The following C2orf78 variants were observed in gnomAD, a reference collection of about 807,000 sequenced individuals.
The protein encoded by C2orf78 is chromosome 2 open reading frame 78.
Under a neutral mutation model 21.4 loss-of-function variants are expected in C2orf78, and 12 were observed. The observed-to-expected ratio is 0.56, with a 90% CI of 0.36 to 0.91. The LOEUF is 0.91. Among genes scored for constraint, C2orf78 ranks in the 40% least tolerant of loss-of-function variants. The pLI is 0.01. For missense variants in C2orf78, 1,042 were observed against 1,092.4 expected, an observed-to-expected ratio of 0.95 and a Z score of 0.65; for synonymous variants, 396 against 413.9, an observed-to-expected ratio of 0.96 and a Z score of 0.52.
chr2:73,815,875 G>A (rs755152993), exon 3 of C2orf78: 1 of 1,613,592 alleles, frequency 6.2e-7, no homozygotes, highest in East Asian at 2.2e-5. Context: ...AAGCATTCTA[G>A]CAACAAACCT....
chr2:73,810,604 TA>T (rs1673063136), intron 1 of C2orf78, among the ~76,000 whole-genome samples: 3 of 138,170 alleles, frequency 2.2e-5, no homozygotes, highest in African/African-American at 5.3e-5. Context: ...ACATAAAATA[TA>T]TATATTTTAT....
At chr2:73,812,198 A>ATT in intron 1 of C2orf78, among the ~76,000 whole-genome samples, 2 of 152,214 alleles carry the variant, frequency 1.3e-5, no homozygotes. Context: ...TTCACTAAGA[A>ATT]AGAGTAGATA....
chr2:73,810,779 A>T (rs1401562679), intron 1 of C2orf78, among the ~76,000 whole-genome samples: 2 of 122,178 alleles, frequency 1.6e-5, no homozygotes, highest in Non-Finnish European at 3.3e-5. Flanking sequence ...TATATAAAAT[A>T]TACATGTATA....
exon 3 of C2orf78, chr2:73,815,951 C>T: frequency 6.2e-7 from 1 of 1,613,750 alleles, no homozygotes. Flanking sequence ...CCAAAGGGAA[C>T]AGAAAGAACA....
At chr2:73,814,350 T>A in intron 2 of C2orf78, 124 bp downstream of exon 2, 6 of 1,091,780 alleles carry the variant, frequency 5.5e-6, no homozygotes, top group Non-Finnish European at 7.8e-6. Context: ...ACCACTATTC[T>A]TTGGCAGTGC....
At chr2:73,809,288 G>A (rs1673023116) in intron 1 of C2orf78, among the ~76,000 whole-genome samples, 1 of 152,134 alleles carries the variant, frequency 6.6e-6, no homozygotes, top group Non-Finnish European at 1.5e-5. Flanking sequence ...ATTCTGAGAT[G>A]TTTCATGTGT....
chr2:73,786,097 A>G (rs1201572107), intron 1 of C2orf78, among the ~76,000 whole-genome samples: 1 of 151,974 alleles, frequency 6.6e-6, no homozygotes, highest in Non-Finnish European at 1.5e-5. Context: ...TGAGGCTTCC[A>G]GGCAGGGTGC....
At chr2:73,816,422 T>C (rs762917075) in exon 3 of C2orf78, 1 of 1,613,940 alleles carries the variant, frequency 6.2e-7, no homozygotes. Context: ...AAGCTCGACA[T>C]GTTTCTCGGC....
exon 3 of C2orf78, chr2:73,815,426 C>T (rs1302193279): frequency 6.2e-7 from 1 of 1,613,962 alleles, no homozygotes; most frequent in East Asian, 2.2e-5. Flanking sequence ...TTCTGGCCTG[C>T]ATTGATCCTC....
At chr2:73,809,253 A>C (rs1673022623) in intron 1 of C2orf78, among the ~76,000 whole-genome samples, 1 of 152,204 alleles carries the variant, frequency 6.6e-6, no homozygotes, top group African/African-American at 2.4e-5. Context: ...GAAAAAACCA[A>C]AGTGGTCTAG....
intron 1 of C2orf78, 113 bp from the exon 2 acceptor site, chr2:73,813,364 A>G (rs993979903): frequency 1.8e-6 from 2 of 1,087,042 alleles, no homozygotes; most frequent in African/African-American, 3.2e-5. Flanking sequence ...CTCAGTGAGT[A>G]TTGGTATTAG....
intron 2 of C2orf78, among the ~76,000 whole-genome samples, chr2:73,814,682 T>C (rs1413925270): frequency 1.3e-5 from 2 of 152,206 alleles, no homozygotes; most frequent in African/African-American, 4.8e-5. Flanking sequence ...CTTGCTTATA[T>C]ATTTCATGAG....
rs6758624 is a variant in C2orf78, at chr2:73,786,257, G to T, written c.97+1851G>T. On this transcript the variant is annotated intron_variant, in intron 1 of 2. Transcript: ENST00000409561. ...TAGCTGGGTGTGGTGGCGTGCACCT[G>T]TAATCCTCCTACTTGGGAGGCTCAG... Among the ~76,000 whole-genome samples the T allele has an allele frequency of 5.7e-3, 859 of 151,554 alleles. 13 individuals are homozygous for T. The highest frequency in any genetic ancestry group is 0.019 in the African/African-American group (796 of 41,192).
exon 3 of C2orf78, chr2:73,815,770 C>G: frequency 6.2e-7 from 1 of 1,613,670 alleles, no homozygotes; most frequent in Non-Finnish European, 8.5e-7. Flanking sequence ...GCTCCCAAGG[C>G]CAAAATCCAG....
At chr2:73,810,587 TATATATACATAAA>T (rs1673062233) in intron 1 of C2orf78, among the ~76,000 whole-genome samples, 1 of 140,314 alleles carries the variant, frequency 7.1e-6, no homozygotes, top group African/African-American at 2.6e-5. Context: ...ATGTATATTA[TATATATACATAAA>T]ATATATATAT....
Position 73,815,397 on chromosome 2 carries a change from A to G in C2orf78, c.1174A>G (p.Ile392Val), listed in dbSNP as rs190689214. The G allele has an allele frequency of 8.1e-6, 13 of 1,613,952 alleles. No individual in the cohort carries two copies. The East Asian group carries it at 2.7e-4, about 33-fold the overall frequency. ...AGATCCTCCACTACTTCCTGTAGAA[A>G]TCCCCGATATTCACCCGCTTCTGGC... The change falls in exon 3 of 3, where the codon ATC becomes GTC. Residue 392 changes from isoleucine (I) to valine (V), a missense_variant. Transcript: ENST00000409561.
chr2:73,813,378 C>T lies in C2orf78; in HGVS notation c.98-99C>T. ...TCTCAGTGAGTATTGGTATTAGAGG[C>T]TTCCTGATTGCAACAACCTTAAGAT... On this transcript the variant is annotated intron_variant, in intron 1 of 2. Transcript: ENST00000409561. 2.4e-6 allele frequency: 3 copies of T among 1,248,090 alleles called. No individual in the cohort carries two copies. The South Asian group carries it at 4.8e-5, about 20-fold the overall frequency. The allele number at this position is 1,248,090 out of a possible 1,614,324, so 77.3% of individuals were successfully genotyped here.
rs774020082 is a variant in C2orf78 at position 73,816,508 on chromosome 2, C to A, written c.2285C>A (p.Ser762Ter). The stretch of plus-strand genomic sequence containing the variant: ...CCTGATTCTACTAACTCAGCTCAAT[C>A]GAATGCAGTCAATCCATCCCGACCA... Residue 762 changes from serine to a stop codon, truncating the protein, a stop_gained, in exon 3 of 3, where the codon TCG becomes TAG. Coordinates refer to ENST00000409561, the Ensembl canonical transcript of C2orf78. LOFTEE classifies it low-confidence loss of function (END_TRUNC). 6.2e-7 allele frequency: 1 copy of A among 1,613,970 alleles called. No homozygotes were observed. The highest frequency in any genetic ancestry group is 8.5e-7 in the Non-Finnish European group (1 of 1,179,878).
intron 2 of C2orf78, among the ~76,000 whole-genome samples, chr2:73,814,600 C>G (rs965071819): frequency 2.0e-5 from 3 of 152,130 alleles, no homozygotes; most frequent in Admixed American, 2.0e-4. Context: ...TTTGATTTTC[C>G]TTAACTTACA....
Sources: gnomAD v4.1 joint callset for allele counts (sites outside exome capture counted in the v4.1 genomes callset) on GRCh38, gnomAD v4.1.1 for gene constraint, MANE v1.5 for transcripts, NCBI Gene and HGNC (gene_info 2026-07-23, HGNC 2026-07-21) for gene names.